MRGPRX3: variants seen among roughly 807,000 people sequenced by gnomAD.
MRGPRX3 encodes MAS related GPR family member X3, also known as mas-related G protein-coupled receptor member X3.
A neutral mutation model predicts 16.5 loss-of-function variants in MRGPRX3; 14 were observed. That is an observed-to-expected ratio of 0.85 (90% CI 0.56 to 1.33). MRGPRX3 has a LOEUF of 1.33. Ranked by LOEUF, MRGPRX3 falls within the 40% of genes most tolerant of loss-of-function variation. MRGPRX3 has a pLI of 0.00. For synonymous variants in MRGPRX3, 199 were observed against 180.1 expected (o/e 1.10, Z -0.84); for missense variants, 449 against 413.0 (o/e 1.09, Z -0.76).
intron 1 of MRGPRX3, among the ~76,000 whole-genome samples, chr11:18,122,248 A>T (rs1407949577): frequency 6.6e-6 from 1 of 152,126 alleles, no homozygotes; most frequent in Admixed American, 6.5e-5. Context: ...ACATGTGCAC[A>T]ACATGGAGGT....
chr11:18,124,043 C>T (rs61130109), intron 1 of MRGPRX3, among the ~76,000 whole-genome samples: 4,345 of 152,178 alleles, frequency 0.029, 197 homozygotes, highest in African/African-American at 0.099. Context: ...GATTTTGTAT[C>T]CTGAGACTTT....
chr11:18,130,535 G>A (rs531205400), upstream of MRGPRX3, among the ~76,000 whole-genome samples: 7 of 152,170 alleles, frequency 4.6e-5, no homozygotes, highest in African/African-American at 1.7e-4. Flanking sequence ...CAAACAAGTG[G>A]AAACACATCC....
intron 1 of MRGPRX3, among the ~76,000 whole-genome samples, 199 bp from the exon 2 acceptor site, chr11:18,136,979 G>A (rs1490722963): frequency 6.6e-6 from 1 of 152,192 alleles, no homozygotes; most frequent in African/African-American, 2.4e-5. Flanking sequence ...TGTGGCAGTA[G>A]AGAGAGGTCA....
At chr11:18,129,971 A>G (rs935971813), upstream of MRGPRX3, among the ~76,000 whole-genome samples, 1 of 152,214 alleles carries the variant, frequency 6.6e-6, no homozygotes, top group Non-Finnish European at 1.5e-5. Context: ...ATTTGACAAA[A>G]TCTAACATTT....
At chr11:18,128,044 C>G (rs572894680), upstream of MRGPRX3, among the ~76,000 whole-genome samples, 3 of 152,174 alleles carry the variant, frequency 2.0e-5, no homozygotes, top group Non-Finnish European at 2.9e-5. Flanking sequence ...CACTCCAGAC[C>G]CTGTTTGCCT....
At chr11:18,121,788 A>G (rs1022280025) in intron 1 of MRGPRX3, among the ~76,000 whole-genome samples, 14 of 152,134 alleles carry the variant, frequency 9.2e-5, no homozygotes, top group African/African-American at 3.4e-4. Flanking sequence ...TGTTAAACAG[A>G]CGCTTGAAGG....
intron 1 of MRGPRX3, among the ~76,000 whole-genome samples, chr11:18,133,970 G>C (rs574106795): frequency 1.3e-5 from 2 of 152,274 alleles, no homozygotes; most frequent in Admixed American, 6.5e-5. Flanking sequence ...ACAGGATAAA[G>C]AAGAATGGAA....
At chr11:18,134,878 A>G (rs1009194999) in intron 1 of MRGPRX3, among the ~76,000 whole-genome samples, 1 of 152,218 alleles carries the variant, frequency 6.6e-6, no homozygotes, top group Non-Finnish European at 1.5e-5. Context: ...AGCATCAAGG[A>G]AAACTGGGAT....
intron 1 of MRGPRX3, among the ~76,000 whole-genome samples, chr11:18,134,953 G>A (rs1848995156): frequency 6.6e-6 from 1 of 152,128 alleles, no homozygotes; most frequent in Non-Finnish European, 1.5e-5. Flanking sequence ...AAATCTTGGG[G>A]CAACCAGCAG....
At chr11:18,121,596 T>C (rs1564878458) in intron 1 of MRGPRX3, among the ~76,000 whole-genome samples, 1 of 152,194 alleles carries the variant, frequency 6.6e-6, no homozygotes, top group Non-Finnish European at 1.5e-5. Flanking sequence ...AATCGGATGG[T>C]TGCCGTGTCT....
chr11:18,130,451 G>T (rs1379470449), upstream of MRGPRX3, among the ~76,000 whole-genome samples: 5 of 151,912 alleles, frequency 3.3e-5, no homozygotes, highest in Non-Finnish European at 5.9e-5. Context: ...AAATACTTAA[G>T]AATATTCTTA....
intron 1 of MRGPRX3, among the ~76,000 whole-genome samples, chr11:18,134,108 T>A (rs747168666): frequency 2.0e-5 from 3 of 152,268 alleles, no homozygotes; most frequent in Non-Finnish European, 4.4e-5. Flanking sequence ...ATGTTTGGCT[T>A]GTCTTTCTCT....
At chr11:18,131,305 C>T (rs561699846), upstream of MRGPRX3, among the ~76,000 whole-genome samples, 18 of 152,010 alleles carry the variant, frequency 1.2e-4, no homozygotes, top group East Asian at 3.9e-4. Flanking sequence ...GACTAATATC[C>T]GGAATCCACA....
chr11:18,131,030 G>C (rs1848956252), upstream of MRGPRX3, among the ~76,000 whole-genome samples: 1 of 152,030 alleles, frequency 6.6e-6, no homozygotes, highest in Admixed American at 6.6e-5. Context: ...TACAAAAATT[G>C]ATACAAGATG....
In MRGPRX3 at chr11:18,137,294, C is replaced by A; in HGVS notation, c.92C>A (p.Thr31Lys). Residue 31 changes from threonine to lysine, a missense_variant, in exon 2 of 2, where the codon ACG (threonine) becomes AAG (lysine). Coordinates refer to ENST00000621697, the MANE Select transcript of MRGPRX3 (RefSeq NM_001370464.1). ...TPCYKQTLSF[T>K]GLTCIVSLVA... Reference sequence around the variant, plus strand: ...TGCTACAAGCAGACCCTGAGCTTCACGGGGCTGACGTGCATCGTTTCCCTT... The same window carrying A: ...TGCTACAAGCAGACCCTGAGCTTCAAGGGGCTGACGTGCATCGTTTCCCTT... The A allele has an allele frequency of 6.2e-7, 1 of 1,614,128 alleles. No homozygotes were observed. Among genetic ancestry groups the A allele is most frequent in the Non-Finnish European group, 8.5e-7 (1 of 1,180,008 alleles).
At chr11:18,137,092 A>T in intron 1 of MRGPRX3, 86 bp from the exon 2 acceptor site, 1 of 1,354,708 alleles carries the variant, frequency 7.4e-7, no homozygotes, top group Admixed American at 2.3e-5. Context: ...TCCTCTTTAA[A>T]TGAGGACAGT....
At position 18,138,299 on chromosome 11, in the gene MRGPRX3, T is replaced by G. The variant is rs541052983; in HGVS notation, c.*128T>G. 169 of 1,429,660 alleles carry G rather than the reference T, an allele frequency of 1.2e-4. No homozygotes were observed. In the African/African-American group the frequency reaches 2.0e-3, roughly 17 times the overall value. The allele number at this position is 1,429,660 out of a possible 1,614,324, so 88.6% of individuals were successfully genotyped here. On this transcript the variant is annotated 3_prime_UTR_variant, in exon 2 of 2. Transcript: ENST00000621697. The stretch of plus-strand genomic sequence containing the variant: ...TCAGTGGTCCCTCAAGGTCTTCGAA[T>G]AGATGTTTATCTAACCTGACAGTTG...
intron 1 of MRGPRX3, among the ~76,000 whole-genome samples, chr11:18,126,949 CAT>C (rs1590303606): frequency 1.3e-5 from 2 of 152,198 alleles, no homozygotes; most frequent in African/African-American, 2.4e-5. Flanking sequence ...CCACAATAAA[CAT>C]ATGTGTGCAT....
intron 1 of MRGPRX3, among the ~76,000 whole-genome samples, chr11:18,122,545 C>T (rs1321239486): frequency 2.6e-5 from 4 of 152,202 alleles, no homozygotes; most frequent in Admixed American, 6.5e-5. Context: ...CATAGTATTC[C>T]ATGGTGTATA....
Sources: allele counts gnomAD v4.1 joint callset (sites outside exome capture counted in the v4.1 genomes callset), GRCh38; gene constraint gnomAD v4.1.1; transcripts MANE v1.5; gene names NCBI Gene and HGNC (gene_info 2026-07-23, HGNC 2026-07-21).